STX8: variants seen among roughly 807,000 people sequenced by gnomAD.
The protein encoded by STX8 is syntaxin 8.
A neutral mutation model predicts 37.5 loss-of-function variants in STX8; 23 were observed. That is an observed-to-expected ratio of 0.61 (90% confidence interval 0.44 to 0.87). The LOEUF (loss-of-function observed/expected upper bound fraction) is 0.87. Among genes scored for constraint, STX8 ranks in the 40% least tolerant of loss-of-function variants. STX8 has a pLI of 0.00. For missense variants in STX8, 313 were observed against 284.7 expected (o/e 1.10, Z -0.71); for synonymous variants, 115 against 99.1 (o/e 1.16, Z -0.95).
At chr17:9,281,721 G>A (rs1256010927) in intron 7 of STX8, among the ~76,000 whole-genome samples, 1 of 152,180 alleles carries the variant, frequency 6.6e-6, no homozygotes, top group Non-Finnish European at 1.5e-5. Flanking sequence ...ATTACCTGAG[G>A]TTAGGAGTTT....
At chr17:9,573,503 A>C (rs1329336032) in intron 1 of STX8, among the ~76,000 whole-genome samples, 1 of 152,168 alleles carries the variant, frequency 6.6e-6, no homozygotes, top group Non-Finnish European at 1.5e-5. Context: ...CATAAATCTT[A>C]CATGTATTAA....
chr17:9,420,076 A>G (rs1913367636), intron 6 of STX8, among the ~76,000 whole-genome samples: 2 of 152,220 alleles, frequency 1.3e-5, no homozygotes, highest in African/African-American at 4.8e-5. Context: ...TTAGTCACAC[A>G]TCTCACAGTC....
At chr17:9,279,413 C>A (rs776696504) in intron 7 of STX8, among the ~76,000 whole-genome samples, 2 of 152,116 alleles carry the variant, frequency 1.3e-5, no homozygotes, top group East Asian at 3.8e-4. Flanking sequence ...ATGAACCTGA[C>A]GCTCAGAAGC....
chr17:9,468,101 G>A (rs1336481117), intron 6 of STX8, among the ~76,000 whole-genome samples: 4 of 152,062 alleles, frequency 2.6e-5, no homozygotes, highest in Non-Finnish European at 4.4e-5. Flanking sequence ...AGCGAGGTTT[G>A]TTTTATTTTG....
At chr17:9,295,998 G>A (rs1324887348) in intron 7 of STX8, among the ~76,000 whole-genome samples, 1 of 151,968 alleles carries the variant, frequency 6.6e-6, no homozygotes, top group South Asian at 2.1e-4. Flanking sequence ...AGACCATCCT[G>A]GCTAACACGG....
chr17:9,442,770 C>T (rs1431562514), intron 6 of STX8, among the ~76,000 whole-genome samples: 1 of 152,028 alleles, frequency 6.6e-6, no homozygotes, highest in East Asian at 1.9e-4. Flanking sequence ...TAGTGGAGGT[C>T]CCAAATTACA....
intron 4 of STX8, among the ~76,000 whole-genome samples, chr17:9,525,911 G>A (rs1393262129): frequency 6.6e-6 from 1 of 152,164 alleles, no homozygotes; most frequent in East Asian, 1.9e-4. Context: ...GAGGAATCAT[G>A]GTTACCTTCA....
At chr17:9,546,590 G>GTTTTT (rs745424722) in intron 3 of STX8, among the ~76,000 whole-genome samples, 3,485 of 60,920 alleles carry the variant, frequency 0.057, 389 homozygotes, top group Non-Finnish European at 0.081. Context: ...CTACAAAAGT[G>GTTTTT]GTTTTTTTTT....
intron 1 of STX8, among the ~76,000 whole-genome samples, chr17:9,571,599 C>CAAA (rs66741519): frequency 1.0e-5 from 1 of 99,842 alleles, no homozygotes; most frequent in African/African-American, 4.0e-5. Context: ...GACTTTGTCT[C>CAAA]AAAAAAAAAA....
At chr17:9,288,605 T>C (rs1029846483) in intron 7 of STX8, among the ~76,000 whole-genome samples, 1 of 152,002 alleles carries the variant, frequency 6.6e-6, no homozygotes, top group Non-Finnish European at 1.5e-5. Context: ...GAGCTTGCAG[T>C]GAGCCGAGAT....
chr17:9,320,203 C>T lies in STX8; in HGVS notation c.643+58349G>A, dbSNP rs1019002820. 1.3e-4 allele frequency among the ~76,000 whole-genome samples: 19 copies of T among 151,418 alleles called. No homozygotes were observed. In the South Asian group the frequency reaches 2.1e-3, roughly 17 times the overall value. On this transcript the variant is annotated intron_variant, in intron 7 of 7. Coordinates refer to ENST00000306357, the MANE Select transcript of STX8 (RefSeq NM_004853.3). ...CAAAAAATAACTGGGCATGGTGGCA[C>T]GCACCTGTAATCCCAGCTACTGGGG...
chr17:9,332,739 A>G (rs1219882549), intron 7 of STX8, among the ~76,000 whole-genome samples: 1 of 152,150 alleles, frequency 6.6e-6, no homozygotes, highest in Non-Finnish European at 1.5e-5. Flanking sequence ...CACAATTGGT[A>G]ATTATTACAT....
intron 7 of STX8, among the ~76,000 whole-genome samples, chr17:9,362,640 A>G (rs1298221921): frequency 6.6e-6 from 1 of 151,980 alleles, no homozygotes; most frequent in African/African-American, 2.4e-5. Context: ...AACATGGTGA[A>G]ACCCCGTCTC....
chr17:9,259,573 G>A (rs1171289765), intron 7 of STX8, among the ~76,000 whole-genome samples: 1 of 152,200 alleles, frequency 6.6e-6, no homozygotes, highest in African/African-American at 2.4e-5. Context: ...GGAATGTCTG[G>A]CAGCCTCTGT....
In STX8 at chr17:9,256,775, C is replaced by G. The variant is rs575089537; in HGVS notation, c.644-6130G>C. On this transcript the variant is annotated intron_variant, in intron 7 of 7. Transcript: ENST00000306357. ...AGTTTCAGGGGCGCAGCCGACCCCC[C>G]TGCCGGAGGGACATGGGACCTCACA... Among the ~76,000 whole-genome samples the G allele has an allele frequency of 9.5e-4, 145 of 152,320 alleles. 3 individuals are homozygous for G. Among genetic ancestry groups the G allele is most frequent in the African/African-American group, 3.1e-3 (129 of 41,584 alleles).
At chr17:9,429,941 G>T (rs1319145120) in intron 6 of STX8, among the ~76,000 whole-genome samples, 60 of 326 alleles carry the variant, frequency 0.18, 12 homozygotes, top group African/African-American at 0.53. Context: ...ATATTATATA[G>T]AATATATTAT....
At chr17:9,547,776 TC>T (rs1311316773) in intron 3 of STX8, among the ~76,000 whole-genome samples, 2 of 124,888 alleles carry the variant, frequency 1.6e-5, no homozygotes, top group African/African-American at 3.5e-5. Flanking sequence ...CCTTTTCTTT[TC>T]TTTTCTTTTT....
chr17:9,464,834 T>C (rs1430575955), intron 6 of STX8: 1 of 151,388 alleles, frequency 6.6e-6, no homozygotes, highest in Non-Finnish European at 1.5e-5. Flanking sequence ...GAAATTCTCC[T>C]GCCTCAGCCT....
intron 6 of STX8, among the ~76,000 whole-genome samples, chr17:9,436,161 ACC>A (rs1396389482): frequency 1.3e-5 from 2 of 150,364 alleles, no homozygotes; most frequent in Non-Finnish European, 3.0e-5. Context: ...ACACGGTGAA[ACC>A]CCGTCTCTAC....
Sources: allele counts gnomAD v4.1 joint callset (sites outside exome capture counted in the v4.1 genomes callset), GRCh38; gene constraint gnomAD v4.1.1; transcripts MANE v1.5; gene names NCBI Gene and HGNC (gene_info 2026-07-23, HGNC 2026-07-21).